MON2: variants seen among roughly 807,000 people sequenced by gnomAD.
The protein encoded by MON2 is MON2 regulator of endosome-to-Golgi trafficking.
Under a neutral mutation model 208.6 loss-of-function variants are expected in MON2, and 84 were observed. That is an observed-to-expected ratio of 0.40 (90% CI 0.34 to 0.48). MON2 has a LOEUF of 0.48. Among genes scored for constraint, MON2 ranks in the 20% least tolerant of loss-of-function variants. The pLI is 0.59. For synonymous variants in MON2, 660 were observed against 694.0 expected (o/e 0.95, Z 0.77); for missense variants, 1,611 against 2,015.4 (o/e 0.80, Z 3.84).
chr12:62,472,616 C>G (rs1259637692), intron 1 of MON2, among the ~76,000 whole-genome samples: 1 of 152,082 alleles, frequency 6.6e-6, no homozygotes, highest in South Asian at 2.1e-4. Flanking sequence ...TAGGGAGACC[C>G]CTAGTGAAAG....
intron 30 of MON2, 74 bp from the exon 31 acceptor site, chr12:62,578,371 A>T (rs1052427455): frequency 1.0e-6 from 1 of 973,714 alleles, no homozygotes; most frequent in South Asian, 1.6e-5. Context: ...TGACATTTGA[A>T]TACTGTTTTT....
chr12:62,513,727 ATG>A lies in MON2; in HGVS notation c.984+5248_984+5249del. On this transcript the variant is annotated intron_variant, in intron 8 of 34. Transcript: ENST00000393630. ...TTTGGGAGGCTGAGGCAGGCGGGTC[ATG>A]AGGTCAGGAGATCGAGACCATCGTG... 1.6e-5 allele frequency among the ~76,000 whole-genome samples: 2 copies of A among 123,046 alleles called. 1 individual carries two copies. The highest frequency in any genetic ancestry group is 3.8e-5 in the Non-Finnish European group (2 of 53,216). 80.7% of individuals were successfully genotyped at this position (123,046 alleles called of 152,430 possible).
At chr12:62,561,156 C>T in intron 26 of MON2, 43 bp downstream of exon 26, 1 of 1,488,004 alleles carries the variant, frequency 6.7e-7, no homozygotes, top group Non-Finnish European at 9.0e-7. Flanking sequence ...ATATAGTTCT[C>T]TGAAATTTTT....
intron 8 of MON2, among the ~76,000 whole-genome samples, chr12:62,519,877 G>A (rs1050245156): frequency 6.6e-6 from 1 of 152,218 alleles, no homozygotes; most frequent in Admixed American, 6.5e-5. Flanking sequence ...GTGCCGTGGC[G>A]TGATCTCGGC....
intron 24 of MON2, among the ~76,000 whole-genome samples, chr12:62,554,490 A>C (rs969999890): frequency 6.6e-6 from 1 of 150,974 alleles, no homozygotes; most frequent in Non-Finnish European, 1.5e-5. Flanking sequence ...CATAGGCTAC[A>C]GTTGGTCTTT....
Position 62,592,868 on chromosome 12 carries a change from C to T in MON2, c.*119C>T. Reference sequence around the variant, plus strand: ...AATTCTTGGCAGCTGTTGTTGGCCTCCTTTAAATTCTACTTACCTGAGTTC... The same window carrying T: ...AATTCTTGGCAGCTGTTGTTGGCCTTCTTTAAATTCTACTTACCTGAGTTC... On this transcript the variant is annotated 3_prime_UTR_variant, in exon 35 of 35. Coordinates refer to ENST00000393630, the MANE Select transcript of MON2 (RefSeq NM_015026.3). 9.7e-7 allele frequency: 1 copy of T among 1,028,266 alleles called. No homozygotes were observed. The highest frequency in any genetic ancestry group is 1.4e-6 in the Non-Finnish European group (1 of 725,466). The allele number at this position is 1,028,266 out of a possible 1,614,324, so 63.7% of individuals were successfully genotyped here. A position where few individuals can be genotyped will look rare whatever the true frequency, so the allele number is the denominator to read the frequency against.
chr12:62,499,701 C>T (rs190665016), intron 5 of MON2, among the ~76,000 whole-genome samples: 128 of 151,950 alleles, frequency 8.4e-4, no homozygotes, highest in Non-Finnish European at 1.5e-3. Flanking sequence ...GGTGAAACCC[C>T]GTCTCTACTA....
intron 12 of MON2, among the ~76,000 whole-genome samples, chr12:62,534,387 C>T (rs1434037713): frequency 6.7e-6 from 1 of 149,746 alleles, no homozygotes; most frequent in Non-Finnish European, 1.5e-5. Flanking sequence ...GGTGTGGTGG[C>T]GTGTGTCTGT....
intron 5 of MON2, among the ~76,000 whole-genome samples, chr12:62,499,292 T>C (rs2070710255): frequency 6.6e-6 from 1 of 152,224 alleles, no homozygotes; most frequent in Admixed American, 6.5e-5. Context: ...TTGCATTATA[T>C]GTATTTTTTA....
intron 8 of MON2, chr12:62,509,179 A>G (rs2071262485): frequency 6.6e-6 from 1 of 150,896 alleles, no homozygotes; most frequent in African/African-American, 2.4e-5. Context: ...TAGTGGCACA[A>G]TCTCGGCTCA....
At chr12:62,537,113 A>ATATATTTT in intron 14 of MON2, 38 bp from the exon 15 acceptor site, 1 of 1,247,522 alleles carries the variant, frequency 8.0e-7, no homozygotes, top group Non-Finnish European at 1.1e-6. Flanking sequence ...CAATATAAAA[A>ATATATTTT]TATATTTTAA....
chr12:62,477,176 G>C (rs987892595), intron 1 of MON2, among the ~76,000 whole-genome samples: 5 of 152,018 alleles, frequency 3.3e-5, no homozygotes, highest in Non-Finnish European at 5.9e-5. Flanking sequence ...ACTGTTGATA[G>C]AGTGATGCCT....
Position 62,467,453 on chromosome 12 carries a change from T to C in MON2, c.111+135T>C, listed in dbSNP as rs1327168541. On this transcript the variant is annotated intron_variant, in intron 1 of 34. Transcript: ENST00000393630. ...CCAGATTTGTGAGTCGGTGGGTTGT[T>C]CCACAAGGGCTTTTTATAGTTTCCA... 4.5e-5 allele frequency: 31 copies of C among 685,880 alleles called. No homozygotes were observed. The East Asian group carries it at 8.4e-4, about 19-fold the overall frequency. The allele number at this position is 685,880 out of a possible 1,614,324, so 42.5% of individuals were successfully genotyped here. A position where few individuals can be genotyped will look rare whatever the true frequency, so the allele number is the denominator to read the frequency against.
intron 19 of MON2, among the ~76,000 whole-genome samples, chr12:62,540,735 T>C (rs923745187): frequency 6.6e-6 from 1 of 152,140 alleles, no homozygotes; most frequent in Non-Finnish European, 1.5e-5. Context: ...TTTTGTAAAG[T>C]GAAGTAAATA....
intron 28 of MON2, 112 bp downstream of exon 28, chr12:62,566,143 C>T: frequency 1.5e-6 from 2 of 1,364,482 alleles, no homozygotes; most frequent in South Asian, 1.3e-5. Context: ...TTAATTTTTG[C>T]CTGGCTGAAA....
chr12:62,585,526 A>G lies in MON2; in HGVS notation c.4907+25A>G. On this transcript the variant is annotated intron_variant, in intron 33 of 34. Transcript: ENST00000393630. ...GGTATATATTTCATTTTATTAAAGA[A>G]ATAAATGTATTGTTGTACTAATTGT... 2.0e-6 allele frequency: 3 copies of G among 1,501,302 alleles called. No homozygotes were observed. The South Asian group carries it at 3.7e-5, about 18-fold the overall frequency. 93.0% of individuals were successfully genotyped at this position (1,501,302 alleles called of 1,614,324 possible). A position where few individuals can be genotyped will look rare whatever the true frequency, so the allele number is the denominator to read the frequency against.
At chr12:62,572,487 C>A (rs909099692) in intron 30 of MON2, among the ~76,000 whole-genome samples, 6 of 152,136 alleles carry the variant, frequency 3.9e-5, no homozygotes, top group African/African-American at 1.4e-4. Flanking sequence ...GCTTTGTTGC[C>A]CAGACCCAAG....
intron 19 of MON2, among the ~76,000 whole-genome samples, chr12:62,542,168 C>T (rs184765446): frequency 1.6e-4 from 25 of 152,200 alleles, no homozygotes; most frequent in Admixed American, 1.4e-3. Context: ...TTAGCGCATG[C>T]GGGAAGGGTC....
rs1418993193 is a variant in MON2, at chr12:62,583,953, C to G, written c.4700-1341C>G. 2.1e-5 allele frequency among the ~76,000 whole-genome samples: 3 copies of G among 143,906 alleles called. No homozygotes were observed. In the East Asian group the frequency reaches 6.0e-4, roughly 29 times the overall value. 94.4% of individuals were successfully genotyped at this position (143,906 alleles called of 152,430 possible). The stretch of plus-strand genomic sequence containing the variant: ...CCAGCCTGGGTGACAGAGTGAAGAC[C>G]CTGTCTCAAAAAAAAAAAAAACAAA... On this transcript the variant is annotated intron_variant, in intron 32 of 34. Coordinates refer to ENST00000393630, the MANE Select transcript of MON2 (RefSeq NM_015026.3).
Sources: allele counts gnomAD v4.1 joint callset (sites outside exome capture counted in the v4.1 genomes callset), GRCh38; gene constraint gnomAD v4.1.1; transcripts MANE v1.5; gene names NCBI Gene and HGNC (gene_info 2026-07-23, HGNC 2026-07-21).